The following SERPINB9 variants were observed in gnomAD, a reference collection of about 807,000 sequenced individuals.
The protein encoded by SERPINB9 is serpin family B member 9.
SERPINB9 carries 20 observed loss-of-function variants against 27.2 expected under a neutral mutation model. That is an observed-to-expected ratio of 0.74 (90% CI 0.52 to 1.07). SERPINB9 has a LOEUF of 1.07. Among genes scored for constraint, SERPINB9 ranks in the 50% least tolerant of loss-of-function variants. The probability of loss-of-function intolerance (pLI) is 0.00; values close to 1 mark genes in which losing one functional copy is unlikely to be tolerated. For synonymous variants in SERPINB9, 189 were observed against 180.0 expected, an observed-to-expected ratio of 1.05 and a Z score of -0.40; for missense variants, 476 against 460.1, an observed-to-expected ratio of 1.03 and a Z score of -0.32.
chr6:2,895,301 G>T, intron 4 of SERPINB9, 90 bp downstream of exon 4: 2 of 781,744 alleles, frequency 2.6e-6, no homozygotes, highest in Non-Finnish European at 2.2e-6. Context: ...AGGAGGAGGA[G>T]AGAGGATATA....
At chr6:2,898,556 G>A (rs937395196) in intron 2 of SERPINB9, among the ~76,000 whole-genome samples, 2 of 152,214 alleles carry the variant, frequency 1.3e-5, no homozygotes, top group Admixed American at 6.5e-5. Context: ...AGTGGCTCAC[G>A]CCTGTAATCC....
At chr6:2,899,074 T>A (rs907745120) in intron 2 of SERPINB9, among the ~76,000 whole-genome samples, 1 of 152,146 alleles carries the variant, frequency 6.6e-6, no homozygotes, top group African/African-American at 2.4e-5. Context: ...AAGCATCCAG[T>A]TGAACACTGG....
At chr6:2,893,034 A>G (rs1031116799) in intron 5 of SERPINB9, among the ~76,000 whole-genome samples, 1 of 142,190 alleles carries the variant, frequency 7.0e-6, no homozygotes, top group African/African-American at 2.6e-5. Flanking sequence ...TCACTCCCAC[A>G]TATCACACTA....
At chr6:2,893,257 G>A (rs1437038225) in intron 5 of SERPINB9, among the ~76,000 whole-genome samples, 154 bp downstream of exon 5, 3 of 52,584 alleles carry the variant, frequency 5.7e-5, no homozygotes, top group South Asian at 5.9e-4. Flanking sequence ...TACTCCTTCC[G>A]TTTTTTTCTA....
chr6:2,894,939 GC>G lies in SERPINB9; in HGVS notation c.424+451del, dbSNP rs67243171. ...TTTGTATTTTTAGTAGAGATGTTGG[GC>G]GGGGGGGGGTCCCACCATGTTGGTC... On this transcript the variant is annotated intron_variant, in intron 4 of 6. Coordinates refer to ENST00000380698, the MANE Select transcript of SERPINB9 (RefSeq NM_004155.6). This position sits in a 1 kb window ranked among gnomAD's most constrained non-coding sequence, Gnocchi z 4.7. 0.49 allele frequency among the ~76,000 whole-genome samples: 68,092 copies of G among 138,050 alleles called. 16,236 individuals carry two copies. Among genetic ancestry groups the G allele is most frequent in the East Asian group, 0.63 (2,844 of 4,546 alleles). 90.6% of individuals were successfully genotyped at this position (138,050 alleles called of 152,430 possible).
chr6:2,902,848 A>G (rs1581203623), intron 1 of SERPINB9, among the ~76,000 whole-genome samples: 1 of 152,324 alleles, frequency 6.6e-6, no homozygotes, highest in East Asian at 1.9e-4. Flanking sequence ...ACAGTGAAGA[A>G]GCAGGACAGA....
In SERPINB9 at chr6:2,895,480, T is replaced by C. The variant is rs1346368093; in HGVS notation, c.335A>G (p.Tyr112Cys). The C allele has an allele frequency of 1.9e-6, 3 of 1,613,622 alleles. No individual in the cohort carries two copies. Among genetic ancestry groups the C allele is most frequent in the Middle Eastern group, 1.6e-4 (1 of 6,062 alleles). ...STFKESCLQF[Y>C]HAELKELSFI... ...GGAAAGCTCCTTCAGCTCAGCATGG[T>C]AGAATTGAAGACAGGATTCCTTAAA... Residue 112 changes from tyrosine to cysteine, a missense_variant, in exon 4 of 7, where the codon TAC becomes TGC. Physicochemically the swap from Tyr to Cys is radical, Grantham distance 194. Coordinates refer to ENST00000380698, the MANE Select transcript of SERPINB9 (RefSeq NM_004155.6).
intron 2 of SERPINB9, among the ~76,000 whole-genome samples, chr6:2,898,822 A>G (rs2113615087): frequency 6.6e-6 from 1 of 152,120 alleles, no homozygotes; most frequent in South Asian, 2.1e-4. Flanking sequence ...TCGAAAAAAA[A>G]AAAAAGAAAT....
At chr6:2,901,202 C>G (rs1768190076) in intron 1 of SERPINB9, among the ~76,000 whole-genome samples, 1 of 152,304 alleles carries the variant, frequency 6.6e-6, no homozygotes, top group East Asian at 1.9e-4. Flanking sequence ...GGGGTGGAGC[C>G]AGGCTGCTCC....
chr6:2,898,927 A>T (rs1226020214), intron 2 of SERPINB9, among the ~76,000 whole-genome samples: 1 of 152,076 alleles, frequency 6.6e-6, no homozygotes, highest in Non-Finnish European at 1.5e-5. Flanking sequence ...TTTATTTTTT[A>T]AAAATTTTTA....
chr6:2,898,322 G>A (rs1768072384), intron 2 of SERPINB9, among the ~76,000 whole-genome samples: 1 of 152,142 alleles, frequency 6.6e-6, no homozygotes, highest in Non-Finnish European at 1.5e-5. Flanking sequence ...CTGTTGATGA[G>A]AAACCCTGTC....
intron 5 of SERPINB9, among the ~76,000 whole-genome samples, 176 bp from the exon 6 acceptor site, chr6:2,892,164 G>A (rs1010239674): frequency 3.5e-4 from 47 of 134,368 alleles, no homozygotes; most frequent in African/African-American, 1.3e-3. Flanking sequence ...TATCTTCATT[G>A]CAAGCAGACA....
At chr6:2,901,835 G>T (rs1303847047) in intron 1 of SERPINB9, among the ~76,000 whole-genome samples, 1 of 151,892 alleles carries the variant, frequency 6.6e-6, no homozygotes. Context: ...GGTCTCCCTA[G>T]AGCCACTCCC....
In SERPINB9 at chr6:2,891,848, G is replaced by A. The variant is rs752625775; in HGVS notation, c.708C>T (p.Gly236=). The A allele has an allele frequency of 1.1e-5, 17 of 1,606,126 alleles. No homozygotes were observed. The highest frequency in any genetic ancestry group is 5.1e-5 in the Admixed American group (3 of 59,220). Residue 236 remains glycine, a synonymous_variant, in exon 6 of 7, where the codon GGC becomes GGT. Coordinates refer to ENST00000380698, the MANE Select transcript of SERPINB9 (RefSeq NM_004155.6). The surrounding 1 kb of genome is among the most constrained non-coding windows in gnomAD (Gnocchi z 4.0). ...CGGGTCTTACCGTGCTGAGCTCCAC[G>A]CCGTCGTCAGGCAGCAGCACCAGCA... ...LSLLVLLPDD[G]VELSTVEKSL...
Position 2,893,523 on chromosome 6 carries a change from G to C in SERPINB9, c.455C>G (p.Ser152Ter). ...AACCAGCCTGGTTTCTGCATCAATT[G>C]AGCTACCCGGCAACAACTCTTCAAT... Reference protein sequence around the residue: ...GKIEELLPGSSIDAETRLVLV... With the variant: ...GKIEELLPGS The change falls in exon 5 of 7, where the codon TCA becomes TGA. Residue 152 changes from serine (S) to a stop codon, truncating the protein, a stop_gained. Transcript: ENST00000380698. LOFTEE classifies it high-confidence loss of function. 7 of 1,612,534 alleles carry C rather than the reference G, an allele frequency of 4.3e-6. No individual in the cohort carries two copies. Among genetic ancestry groups the C allele is most frequent in the Non-Finnish European group, 5.9e-6 (7 of 1,179,146 alleles).
Position 2,895,462 on chromosome 6 carries a change from T to G in SERPINB9, c.353A>C (p.Glu118Ala). 1.9e-6 allele frequency: 3 copies of G among 1,613,758 alleles called. No homozygotes were observed. The highest frequency in any genetic ancestry group is 2.5e-6 in the Non-Finnish European group (3 of 1,179,898). ...CLQFYHAELKELSFIRAAEES... is the reference protein window; with the variant it reads ...CLQFYHAELKALSFIRAAEES... ...TTCTGCAGCTCTGATAAAGGAAAGC[T>G]CCTTCAGCTCAGCATGGTAGAATTG... Residue 118 changes from glutamate to alanine, a missense_variant, in exon 4 of 7, where the codon GAG (glutamate) becomes GCG (alanine). Coordinates refer to ENST00000380698, the MANE Select transcript of SERPINB9 (RefSeq NM_004155.6).
chr6:2,891,066 C>A lies in SERPINB9; in HGVS notation c.724-496G>T, dbSNP rs993296369. 6.6e-6 allele frequency among the ~76,000 whole-genome samples: 1 copy of A among 152,092 alleles called. No homozygotes were observed. The highest frequency in any genetic ancestry group is 6.6e-5 in the Admixed American group (1 of 15,262). ...CCCCAGAGAGATTCTGCATAGTTTCCGGAGCATAGTTTCAGGAAGGTGGGC... is the reference window on the plus strand; with the variant it reads ...CCCCAGAGAGATTCTGCATAGTTTCAGGAGCATAGTTTCAGGAAGGTGGGC... On this transcript the variant is annotated intron_variant, in intron 6 of 6. Coordinates refer to ENST00000380698, the MANE Select transcript of SERPINB9 (RefSeq NM_004155.6). This position sits in a 1 kb window ranked among gnomAD's most constrained non-coding sequence, Gnocchi z 4.0.
chr6:2,901,231 C>G (rs1400963248), intron 1 of SERPINB9, among the ~76,000 whole-genome samples: 1 of 152,194 alleles, frequency 6.6e-6, no homozygotes, highest in Non-Finnish European at 1.5e-5. Context: ...CAGCCTGCCC[C>G]AGGCCCACGC....
Position 2,887,451 on chromosome 6 carries a change from A to G in SERPINB9, c.*2712T>C, listed in dbSNP as rs936315160. 7.2e-5 allele frequency: 11 copies of G among 152,256 alleles called. No individual in the cohort carries two copies. Among genetic ancestry groups the G allele is most frequent in the African/African-American group, 2.7e-4 (11 of 41,462 alleles). 9.4% of individuals were successfully genotyped at this position (152,256 alleles called of 1,614,324 possible). On this transcript the variant is annotated 3_prime_UTR_variant, in exon 7 of 7. Coordinates refer to ENST00000380698, the MANE Select transcript of SERPINB9 (RefSeq NM_004155.6). ...CAATTCATAGATGAGGAAATTCAAG[A>G]GCCAATAAATGCATAGAACACTTTC...
Sources: gnomAD v4.1 joint callset for allele counts (sites outside exome capture counted in the v4.1 genomes callset) on GRCh38, gnomAD v4.1.1 for gene constraint, Gnocchi (gnomAD v3.1) non-coding constraint, MANE v1.5 for transcripts, NCBI Gene and HGNC (gene_info 2026-07-23, HGNC 2026-07-21) for gene names.